Variants in CCDC60 observed in about 807,000 individuals in gnomAD.
The protein encoded by CCDC60 is coiled-coil domain containing 60, also known as coiled-coil domain-containing protein 60.
A neutral mutation model predicts 63.5 loss-of-function variants in CCDC60; 54 were observed. The observed-to-expected ratio is 0.85, with a 90% CI of 0.68 to 1.07. The LOEUF is 1.07. CCDC60 is among the 50% of genes least tolerant of loss of function. CCDC60 has a pLI of 0.00. For synonymous variants in CCDC60, 206 were observed against 238.8 expected (o/e 0.86, Z 1.27); for missense variants, 651 against 684.3 (o/e 0.95, Z 0.54).
chr12:119,421,671 GTAGGAC>G (rs1014656429), intron 1 of CCDC60, among the ~76,000 whole-genome samples: 5 of 152,166 alleles, frequency 3.3e-5, no homozygotes, highest in Non-Finnish European at 7.3e-5. Flanking sequence ...ATTAGTTCTG[GTAGGAC>G]TGGCATTAGT....
At chr12:119,377,406 C>G (rs2136182098) in intron 1 of CCDC60, among the ~76,000 whole-genome samples, 1 of 151,976 alleles carries the variant, frequency 6.6e-6, no homozygotes, top group East Asian at 1.9e-4. Flanking sequence ...TTCAAATAAT[C>G]AGTTCTGTTT....
intron 1 of CCDC60, among the ~76,000 whole-genome samples, chr12:119,337,820 GTATT>G (rs143167676): frequency 3.1e-5 from 4 of 127,310 alleles, no homozygotes; most frequent in African/African-American, 6.0e-5. Context: ...GTGTGTGTGT[GTATT>G]TGTGTGTGTG....
At chr12:119,452,349 G>A (rs905609953) in intron 2 of CCDC60, among the ~76,000 whole-genome samples, 3 of 152,256 alleles carry the variant, frequency 2.0e-5, no homozygotes, top group South Asian at 2.1e-4. Flanking sequence ...CTTCCAAACT[G>A]CTTTTGCATC....
chr12:119,445,933 C>CG (rs1315248812), intron 2 of CCDC60, among the ~76,000 whole-genome samples: 1 of 151,768 alleles, frequency 6.6e-6, no homozygotes, highest in Admixed American at 6.6e-5. Flanking sequence ...GGGATGGGGA[C>CG]GGGGGGTGAG....
In CCDC60 at chr12:119,344,875, A is replaced by T. The variant is rs1445174813; in HGVS notation, c.90+9609A>T. On this transcript the variant is annotated intron_variant, in intron 1 of 13. Transcript: ENST00000327554. The stretch of plus-strand genomic sequence containing the variant: ...CTCTCTCACACACACACACACACAC[A>T]CACACACACACACACACACACACAA... 4.0e-5 allele frequency among the ~76,000 whole-genome samples: 6 copies of T among 150,814 alleles called. No homozygotes were observed. In the South Asian group the frequency reaches 8.5e-4, roughly 21 times the overall value.
chr12:119,477,882 C>A (rs1046976101), intron 3 of CCDC60, among the ~76,000 whole-genome samples: 1 of 151,686 alleles, frequency 6.6e-6, no homozygotes, highest in African/African-American at 2.4e-5. Context: ...AAAATACAGA[C>A]AATTGATTCA....
intron 2 of CCDC60, among the ~76,000 whole-genome samples, chr12:119,431,447 A>G (rs914947230): frequency 2.0e-5 from 3 of 152,218 alleles, no homozygotes; most frequent in African/African-American, 2.4e-5. Context: ...CAGCTGATCC[A>G]TCAAGTACAG....
intron 6 of CCDC60, 38 bp from the exon 7 acceptor site, chr12:119,505,031 C>T (rs760616208): frequency 1.4e-6 from 2 of 1,468,126 alleles, no homozygotes; most frequent in Admixed American, 2.0e-5. Context: ...CTTTTTCCCC[C>T]TCCTTCCTGA....
rs374410771 is a variant in CCDC60 at position 119,448,455 on chromosome 12, T to C, written c.170+19693T>C. 2.0e-3 allele frequency among the ~76,000 whole-genome samples: 297 copies of C among 152,296 alleles called. 8 individuals are homozygous for C. The South Asian group carries it at 0.06, about 31-fold the overall frequency. On this transcript the variant is annotated intron_variant, in intron 2 of 13. Transcript: ENST00000327554. ...ATGATAGTGTCTACCTGTAGGGCTC[T>C]TGTAGGAATTACATGATGTAACCCA... is the stretch of plus-strand genomic sequence containing the variant.
At chr12:119,355,875 A>G (rs1955712391) in intron 1 of CCDC60, among the ~76,000 whole-genome samples, 1 of 152,164 alleles carries the variant, frequency 6.6e-6, no homozygotes, top group African/African-American at 2.4e-5. Flanking sequence ...TTGCCATGGC[A>G]GTGGTAAGCT....
At chr12:119,531,179 T>C in intron 13 of CCDC60, 116 bp downstream of exon 13, 1 of 862,998 alleles carries the variant, frequency 1.2e-6, no homozygotes, top group Non-Finnish European at 1.8e-6. Flanking sequence ...TTTATGGAGC[T>C]CATATTCTAA....
chr12:119,481,253 G>T (rs1254138029), intron 4 of CCDC60, among the ~76,000 whole-genome samples: 1 of 152,142 alleles, frequency 6.6e-6, no homozygotes, highest in Non-Finnish European at 1.5e-5. Flanking sequence ...TGTTCTTAAA[G>T]CATCTCCTTG....
chr12:119,387,032 TCTCACACACACACA>T (rs1028361311), intron 1 of CCDC60, among the ~76,000 whole-genome samples: 3 of 120,216 alleles, frequency 2.5e-5, no homozygotes, highest in South Asian at 3.0e-4. Context: ...CCTCTGTCTC[TCTCACACACACACA>T]CACACACACA....
At chr12:119,341,215 A>T (rs1425005155) in intron 1 of CCDC60, among the ~76,000 whole-genome samples, 1 of 152,188 alleles carries the variant, frequency 6.6e-6, no homozygotes, top group East Asian at 1.9e-4. Flanking sequence ...CTTTTCCATG[A>T]TAAATCAGGA....
At chr12:119,537,372 G>A (rs1429497806) in intron 13 of CCDC60, among the ~76,000 whole-genome samples, 8 of 152,154 alleles carry the variant, frequency 5.3e-5, no homozygotes, top group Non-Finnish European at 7.3e-5. Flanking sequence ...CTTTAGCTTG[G>A]AGAAGTTTGT....
intron 4 of CCDC60, among the ~76,000 whole-genome samples, chr12:119,481,967 A>G (rs544652396): frequency 7.9e-6 from 1 of 125,906 alleles, no homozygotes; most frequent in East Asian, 2.0e-4. Flanking sequence ...ATTCCATCAT[A>G]TATATATAGT....
chr12:119,355,030 C>T (rs1315255374), intron 1 of CCDC60, among the ~76,000 whole-genome samples: 1 of 152,164 alleles, frequency 6.6e-6, no homozygotes, highest in Non-Finnish European at 1.5e-5. Context: ...CAGTATGAGC[C>T]ATGGCTCTGC....
chr12:119,424,439 A>C (rs1208708858), intron 1 of CCDC60, among the ~76,000 whole-genome samples: 1 of 152,186 alleles, frequency 6.6e-6, no homozygotes, highest in South Asian at 2.1e-4. Context: ...TGGGACATTT[A>C]GGTATTTTTC....
chr12:119,397,201 G>A (rs906061417), intron 1 of CCDC60, among the ~76,000 whole-genome samples: 2 of 152,202 alleles, frequency 1.3e-5, no homozygotes, highest in Non-Finnish European at 2.9e-5. Flanking sequence ...CAAACCCAAA[G>A]AGTGAGCAGC....
Sources: gnomAD v4.1 joint callset for allele counts (sites outside exome capture counted in the v4.1 genomes callset) on GRCh38, gnomAD v4.1.1 for gene constraint, MANE v1.5 for transcripts, NCBI Gene and HGNC (gene_info 2026-07-23, HGNC 2026-07-21) for gene names.